LEKR1: variants seen among roughly 807,000 people sequenced by gnomAD.
LEKR1 encodes the protein protein LEKR1.
A neutral mutation model predicts 72.4 loss-of-function variants in LEKR1; 59 were observed. That is an observed-to-expected ratio of 0.82 (90% CI 0.66 to 1.01). LEKR1 has a LOEUF of 1.01. Ranked by LOEUF, LEKR1 falls within the 50% of genes least tolerant of loss-of-function variation. LEKR1 has a pLI of 0.00. For missense variants in LEKR1, 728 were observed against 759.2 expected (o/e 0.96, Z 0.48); for synonymous variants, 257 against 263.2 (o/e 0.98, Z 0.23).
chr3:156,872,116 C>T (rs1364753856), intron 3 of LEKR1, among the ~76,000 whole-genome samples: 1 of 151,410 alleles, frequency 6.6e-6, no homozygotes, highest in African/African-American at 2.4e-5. Context: ...GATTTAGTCT[C>T]ATTGCTTATT....
At position 156,869,046 on chromosome 3, in the gene LEKR1, A is replaced by G. The variant is rs898697530; in HGVS notation, c.263+16064A>G. ...ATGATTTCATTCTTTTTTATGTCTG[A>G]ATAGTATTTCATTGTGTATGTATAT... On this transcript the variant is annotated intron_variant, in intron 3 of 12. Coordinates refer to ENST00000356539, the MANE Select transcript of LEKR1 (RefSeq NM_001004316.3). 3.9e-5 allele frequency among the ~76,000 whole-genome samples: 6 copies of G among 152,020 alleles called. No homozygotes were observed. The South Asian group carries it at 1.2e-3, about 32-fold the overall frequency.
intron 6 of LEKR1, among the ~76,000 whole-genome samples, chr3:156,958,396 G>C (rs1010906675): frequency 2.6e-5 from 4 of 152,132 alleles, no homozygotes; most frequent in African/African-American, 9.7e-5. Context: ...AGACAGCAAA[G>C]TTTCCATCTC....
intron 10 of LEKR1, among the ~76,000 whole-genome samples, chr3:157,019,164 C>G (rs1471101667): frequency 6.6e-6 from 1 of 151,920 alleles, no homozygotes; most frequent in Non-Finnish European, 1.5e-5. Flanking sequence ...TTATTTGATT[C>G]CTACTTTGGC....
intron 12 of LEKR1, among the ~76,000 whole-genome samples, chr3:157,043,694 A>C (rs1270022224): frequency 6.6e-6 from 1 of 152,158 alleles, no homozygotes; most frequent in African/African-American, 2.4e-5. Flanking sequence ...GTGCCTTGTT[A>C]ATCTTCCTCT....
intron 1 of LEKR1, chr3:156,826,823 G>C (rs958204432): frequency 6.4e-6 from 1 of 155,482 alleles, no homozygotes; most frequent in East Asian, 1.9e-4. Flanking sequence ...TGACCTGCTC[G>C]TTGTGGGTGA....
At chr3:156,962,443 A>G (rs1433982734) in intron 6 of LEKR1, among the ~76,000 whole-genome samples, 2 of 152,218 alleles carry the variant, frequency 1.3e-5, no homozygotes, top group Non-Finnish European at 2.9e-5. Flanking sequence ...GATGGACAAA[A>G]AGTTTAGCCT....
intron 9 of LEKR1, among the ~76,000 whole-genome samples, chr3:156,996,787 G>A (rs73873764): frequency 0.012 from 1,760 of 152,174 alleles, 38 homozygotes; most frequent in African/African-American, 0.041. Flanking sequence ...CTTCTCATTC[G>A]GGCATGGTGG....
At chr3:156,895,572 C>T (rs1721092529) in intron 3 of LEKR1, among the ~76,000 whole-genome samples, 1 of 152,000 alleles carries the variant, frequency 6.6e-6, no homozygotes, top group South Asian at 2.1e-4. Flanking sequence ...GATTGCACCA[C>T]TGCACTCCAG....
intron 6 of LEKR1, among the ~76,000 whole-genome samples, chr3:156,951,300 T>C (rs1490408543): frequency 6.6e-6 from 1 of 151,680 alleles, no homozygotes; most frequent in Non-Finnish European, 1.5e-5. Context: ...TTGATGTTCA[T>C]CATGGATATT....
chr3:156,880,046 C>T (rs993990810), intron 3 of LEKR1, among the ~76,000 whole-genome samples: 1 of 152,232 alleles, frequency 6.6e-6, no homozygotes, highest in Non-Finnish European at 1.5e-5. Context: ...AGAGTACCCA[C>T]TGGGGCACTG....
rs140669051 is a variant in LEKR1 at position 156,874,234 on chromosome 3, G to A, written c.263+21252G>A. Among the ~76,000 whole-genome samples the A allele has an allele frequency of 7.3e-5, 11 of 151,552 alleles. No homozygotes were observed. The East Asian group carries it at 2.1e-3, about 29-fold the overall frequency. ...CTTTTTTACAATATCTTTCTCTTTG[G>A]TAAAATTGTAATTTGTATCTCAAAT... On this transcript the variant is annotated intron_variant, in intron 3 of 12. Transcript: ENST00000356539.
intron 6 of LEKR1, among the ~76,000 whole-genome samples, chr3:156,951,934 A>T (rs1460960270): frequency 4.0e-5 from 6 of 151,466 alleles, no homozygotes; most frequent in African/African-American, 1.4e-4. Context: ...GAATTGTGAG[A>T]TTCTAATGCT....
chr3:157,028,175 A>G lies in LEKR1; in HGVS notation c.1441A>G (p.Lys481Glu), dbSNP rs1734342876. The change falls in exon 12 of 13, where the codon AAA (lysine) becomes GAA (glutamate). Residue 481 changes from lysine to glutamate, a missense_variant. Transcript: ENST00000356539. ...EVTTLKEKLH[K>E]SHIRYTEESN... ...GACCACTCTTAAAGAAAAACTTCAC[A>G]AATCCCATATTCGGTACACTGAAGA... The G allele has an allele frequency of 6.2e-7, 1 of 1,611,236 alleles. No homozygotes were observed. Among genetic ancestry groups the G allele is most frequent in the African/African-American group, 1.3e-5 (1 of 74,738 alleles).
rs143424919 is a variant in LEKR1, at chr3:156,937,691, C to T, written c.560-4838C>T. 8.0e-4 allele frequency among the ~76,000 whole-genome samples: 122 copies of T among 152,260 alleles called. 1 individual carries two copies. Among genetic ancestry groups the T allele is most frequent in the African/African-American group, 2.8e-3 (116 of 41,568 alleles). On this transcript the variant is annotated intron_variant, in intron 5 of 12. Coordinates refer to ENST00000356539, the MANE Select transcript of LEKR1 (RefSeq NM_001004316.3). The stretch of plus-strand genomic sequence containing the variant: ...GCATTTATCCCAGATAAATGAAAAT[C>T]TGTGTTCTCAAAAATACTTGTATGT...
intron 5 of LEKR1, among the ~76,000 whole-genome samples, chr3:156,939,945 A>G (rs1332287554): frequency 2.0e-5 from 3 of 152,160 alleles, no homozygotes; most frequent in Non-Finnish European, 2.9e-5. Context: ...GAATTGATCA[A>G]TTATTTTATT....
At chr3:156,947,201 T>C (rs1726764630) in intron 6 of LEKR1, among the ~76,000 whole-genome samples, 1 of 151,312 alleles carries the variant, frequency 6.6e-6, no homozygotes, top group Non-Finnish European at 1.5e-5. Context: ...TTATGTTGAT[T>C]TGAAGCTTTC....
intron 3 of LEKR1, among the ~76,000 whole-genome samples, chr3:156,876,420 G>T (rs886098544): frequency 6.6e-6 from 1 of 152,112 alleles, no homozygotes; most frequent in Non-Finnish European, 1.5e-5. Context: ...ATTGCTTTTG[G>T]CAGTATGGTC....
At chr3:157,031,108 T>C (rs1280157846) in intron 12 of LEKR1, among the ~76,000 whole-genome samples, 1 of 152,164 alleles carries the variant, frequency 6.6e-6, no homozygotes, top group Non-Finnish European at 1.5e-5. Flanking sequence ...GGGGGCGTTT[T>C]AAAGGCTTCC....
At chr3:156,827,842 C>T (rs1398976447) in intron 1 of LEKR1, among the ~76,000 whole-genome samples, 4 of 152,200 alleles carry the variant, frequency 2.6e-5, no homozygotes, top group African/African-American at 7.2e-5. Context: ...TCATTTAGAT[C>T]CGTGCTCTCA....
Sources: allele counts gnomAD v4.1 joint callset (sites outside exome capture counted in the v4.1 genomes callset), GRCh38; gene constraint gnomAD v4.1.1; transcripts MANE v1.5; gene names NCBI Gene and HGNC (gene_info 2026-07-23, HGNC 2026-07-21).